Variants in CBLB observed in about 807,000 individuals in gnomAD.
CBLB encodes the protein Cbl proto-oncogene B.
Under a neutral mutation model 104.9 loss-of-function variants are expected in CBLB, and 31 were observed. The observed-to-expected ratio is 0.30, with a 90% CI of 0.22 to 0.40. CBLB has a LOEUF of 0.40. CBLB is among the 10% of genes least tolerant of loss of function. The pLI is 1.00. For synonymous variants in CBLB, 440 were observed against 422.6 expected (o/e 1.04, Z -0.51); for missense variants, 1,062 against 1,214.6 (o/e 0.87, Z 1.87).
rs555075244 is a variant in CBLB at position 105,833,033 on chromosome 3, G to A, written c.419+20381C>T. The stretch of plus-strand genomic sequence containing the variant: ...TCAGGCACATGAAGCCTCAGATGTG[G>A]AGGTCCTAAAGGCCTGAAAAACTGA... On this transcript the variant is annotated intron_variant, in intron 3 of 18. Transcript: ENST00000394030. 5.3e-5 allele frequency among the ~76,000 whole-genome samples: 8 copies of A among 152,320 alleles called. No homozygotes were observed. The South Asian group carries it at 1.5e-3, about 28-fold the overall frequency.
rs184556090 is a variant in CBLB, at chr3:105,708,006, T to C, written c.1408-3833A>G. ...ATTCTAGAGTAACAGACTTTTCCCCTGTACAGGTAATCACCAGGTAATTCA... is the reference window on the plus strand; with the variant it reads ...ATTCTAGAGTAACAGACTTTTCCCCCGTACAGGTAATCACCAGGTAATTCA... On this transcript the variant is annotated intron_variant, in intron 10 of 18. Coordinates refer to ENST00000394030, the MANE Select transcript of CBLB (RefSeq NM_170662.5). Among the ~76,000 whole-genome samples, 188 of 152,246 alleles carry C rather than the reference T, an allele frequency of 1.2e-3. 1 individual carries two copies. The highest frequency in any genetic ancestry group is 7.5e-3 in the South Asian group (36 of 4,824).
intron 3 of CBLB, among the ~76,000 whole-genome samples, chr3:105,813,805 A>G (rs547084908): frequency 2.0e-5 from 3 of 152,242 alleles, no homozygotes; most frequent in Admixed American, 2.0e-4. Context: ...CAAGAAGCCA[A>G]GTGTGGTATT....
chr3:105,776,467 T>C lies in CBLB; in HGVS notation c.495A>G (p.Gln165=), dbSNP rs1445046808. Residue 165 remains glutamine, a synonymous_variant, in exon 4 of 19, where the codon CAA becomes CAG. Coordinates refer to ENST00000394030, the MANE Select transcript of CBLB (RefSeq NM_170662.5). ...TGATACGAAAGTTATCTCCCTGGAA[T>C]TGACCATTGGGAAAGATTGCTTTGA... The part of the protein sequence containing the change: ...AEIKAIFPNG[Q]FQGDNFRITK... 1.7e-5 allele frequency: 28 copies of C among 1,613,850 alleles called. No individual in the cohort carries two copies. The highest frequency in any genetic ancestry group is 2.2e-5 in the East Asian group (1 of 44,830).
In CBLB at chr3:105,836,224, T is replaced by C. The variant is rs149215112; in HGVS notation, c.419+17190A>G. 2.8e-3 allele frequency among the ~76,000 whole-genome samples: 424 copies of C among 152,294 alleles called. 1 individual carries two copies. Among genetic ancestry groups the C allele is most frequent in the Middle Eastern group, 0.01 (3 of 294 alleles). On this transcript the variant is annotated intron_variant, in intron 3 of 18. Transcript: ENST00000394030. Reference sequence around the variant, plus strand: ...GTCTAGTACACCTTTCCTTCACTAATGGTTTCTGAAATCAAAAGATCCTCT... The same window carrying C: ...GTCTAGTACACCTTTCCTTCACTAACGGTTTCTGAAATCAAAAGATCCTCT...
At chr3:105,860,946 A>AT (rs896384661) in intron 2 of CBLB, among the ~76,000 whole-genome samples, 3 of 152,126 alleles carry the variant, frequency 2.0e-5, no homozygotes, top group Non-Finnish European at 4.4e-5. Context: ...GGGCTTTAAT[A>AT]TTTTTTTAAA....
intron 3 of CBLB, among the ~76,000 whole-genome samples, chr3:105,835,925 A>T (rs781413345): frequency 4.6e-5 from 7 of 152,230 alleles, no homozygotes; most frequent in Non-Finnish European, 1.0e-4. Context: ...TTGATGCTGG[A>T]ATGATGCCAC....
At chr3:105,685,887 T>C (rs931974441) in intron 13 of CBLB, among the ~76,000 whole-genome samples, 1 of 152,172 alleles carries the variant, frequency 6.6e-6, no homozygotes, top group African/African-American at 2.4e-5. Context: ...GAAGTCTTTA[T>C]AGAATGGTCA....
chr3:105,792,079 T>C (rs965893849), intron 3 of CBLB, among the ~76,000 whole-genome samples: 3 of 152,154 alleles, frequency 2.0e-5, no homozygotes, highest in African/African-American at 4.8e-5. Context: ...CCTCAGAGCT[T>C]GTTAAAAATG....
At chr3:105,732,771 A>G (rs1433853928) in intron 9 of CBLB, among the ~76,000 whole-genome samples, 2 of 152,190 alleles carry the variant, frequency 1.3e-5, no homozygotes, top group Non-Finnish European at 2.9e-5. Flanking sequence ...CTCAATGTCC[A>G]TCCTTCCTCA....
chr3:105,668,971 AAT>A (rs887893770), intron 18 of CBLB, among the ~76,000 whole-genome samples: 1 of 152,188 alleles, frequency 6.6e-6, no homozygotes, highest in African/African-American at 2.4e-5. Context: ...GATATTCACA[AAT>A]ATGTGACAAA....
At chr3:105,861,235 GTATA>G (rs1169759818) in intron 2 of CBLB, among the ~76,000 whole-genome samples, 8 of 152,046 alleles carry the variant, frequency 5.3e-5, no homozygotes, top group African/African-American at 1.9e-4. Context: ...CACAGCAAGT[GTATA>G]ATAAGATAAA....
upstream of CBLB, chr3:105,869,362 A>C: frequency 3.0e-6 from 4 of 1,342,142 alleles, no homozygotes; most frequent in Non-Finnish European, 4.0e-6. Context: ...GGTGGGCGTG[A>C]GCGTCGGGAC....
rs146130273 is a variant in CBLB at position 105,700,862 on chromosome 3, G to A, written c.1959+1232C>T. ...CATTATCACTGTACCTCCACACACA[G>A]AGGAGCTGAGTGCAAGTCACGCTTC... On this transcript the variant is annotated intron_variant, in intron 12 of 18. Transcript: ENST00000394030. Among the ~76,000 whole-genome samples, 333 of 152,318 alleles carry A rather than the reference G, an allele frequency of 2.2e-3. 1 individual carries two copies. Among genetic ancestry groups the A allele is most frequent in the African/African-American group, 7.2e-3 (300 of 41,554 alleles).
intron 4 of CBLB, among the ~76,000 whole-genome samples, chr3:105,758,169 C>G (rs1001522915): frequency 2.6e-5 from 4 of 152,032 alleles, no homozygotes; most frequent in Non-Finnish European, 4.4e-5. Flanking sequence ...TCTTGCTGTT[C>G]TATCAATAAG....
chr3:105,716,836 T>G (rs2071967736), intron 10 of CBLB, among the ~76,000 whole-genome samples: 1 of 152,170 alleles, frequency 6.6e-6, no homozygotes, highest in Admixed American at 6.5e-5. Context: ...AGGACAATAA[T>G]GCTTGAGATC....
At chr3:105,762,194 A>C (rs1409218657) in intron 4 of CBLB, 1 of 152,232 alleles carries the variant, frequency 6.6e-6, no homozygotes, top group Non-Finnish European at 1.5e-5. Flanking sequence ...TTTCAAGAAG[A>C]AGCGGAGCAT....
chr3:105,799,687 G>C (rs974786136), intron 3 of CBLB, among the ~76,000 whole-genome samples: 1 of 152,106 alleles, frequency 6.6e-6, no homozygotes, highest in East Asian at 1.9e-4. Flanking sequence ...CATTCTCCTA[G>C]AGAATGACCC....
chr3:105,666,791 T>C (rs1423095280), intron 18 of CBLB, among the ~76,000 whole-genome samples: 4 of 152,210 alleles, frequency 2.6e-5, no homozygotes, highest in Non-Finnish European at 4.4e-5. Flanking sequence ...AAAATGGTTA[T>C]TTAATCTTAG....
At chr3:105,857,762 GCTC>G (rs2091751944) in intron 2 of CBLB, among the ~76,000 whole-genome samples, 1 of 152,072 alleles carries the variant, frequency 6.6e-6, no homozygotes, top group South Asian at 2.1e-4. Flanking sequence ...ATTGTTTCAG[GCTC>G]TAGGGAACAC....
Sources: gnomAD v4.1 joint callset for allele counts (sites outside exome capture counted in the v4.1 genomes callset) on GRCh38, gnomAD v4.1.1 for gene constraint, MANE v1.5 for transcripts, NCBI Gene and HGNC (gene_info 2026-07-23, HGNC 2026-07-21) for gene names.